The following SLC7A14 variants were observed in gnomAD, a reference collection of about 807,000 sequenced individuals.
SLC7A14 encodes the protein gamma-aminobutyric acid transporter SLC7A14.
Under a neutral mutation model 60.2 loss-of-function variants are expected in SLC7A14, and 37 were observed. The observed-to-expected ratio is 0.61, with a 90% CI of 0.47 to 0.81. The LOEUF (loss-of-function observed/expected upper bound fraction) is 0.81, where lower values mean the gene tolerates loss of function less well. Among genes scored for constraint, SLC7A14 ranks in the 30% least tolerant of loss-of-function variants. The probability of loss-of-function intolerance (pLI) is 0.00; values close to 1 mark genes in which losing one functional copy is unlikely to be tolerated. For missense variants in SLC7A14, 886 were observed against 982.7 expected (o/e 0.90, Z 1.32); for synonymous variants, 399 against 395.8 (o/e 1.01, Z -0.10).
At chr3:170,538,474 A>T (rs1252289874) in intron 1 of SLC7A14, among the ~76,000 whole-genome samples, 1 of 152,204 alleles carries the variant, frequency 6.6e-6, no homozygotes, top group African/African-American at 2.4e-5. Context: ...AAATGTCAGG[A>T]ACTGCCATTT....
rs774317721 is a variant in SLC7A14 at position 170,486,207 on chromosome 3, G to A, written c.906+15C>T. On this transcript the variant is annotated intron_variant, in intron 5 of 7. Coordinates refer to ENST00000231706, the MANE Select transcript of SLC7A14 (RefSeq NM_020949.3). ...CCACATCGTGAGGAGGGTCCCGCAA[G>A]CATCTGGTACTTACAGACACATATG... 2.5e-6 allele frequency: 4 copies of A among 1,613,736 alleles called. No homozygotes were observed. In the South Asian group the frequency reaches 4.4e-5, roughly 18 times the overall value.
rs1713512707 is a variant in SLC7A14 at position 170,526,641 on chromosome 3, A to G, written c.296T>C (p.Ile99Thr). Residue 99 changes from isoleucine (I) to threonine (T), a missense_variant, in exon 2 of 8, where the codon ATA becomes ACA. By Grantham distance (89) the Ile-to-Thr change is moderately conservative (BLOSUM62 -1). Transcript: ENST00000231706. Reference protein sequence around the residue: ...VSFIIAAVASILSGVCYAEFG... With the variant: ...VSFIIAAVASTLSGVCYAEFG... ...TGCATGGAGACACTTACCTGATAAT[A>G]TGGATGCGACGGCTGCAATGATGAA... The G allele has an allele frequency of 2.5e-6, 4 of 1,614,010 alleles. No homozygotes were observed. Among genetic ancestry groups the G allele is most frequent in the Non-Finnish European group, 3.4e-6 (4 of 1,179,984 alleles).
intron 1 of SLC7A14, among the ~76,000 whole-genome samples, chr3:170,566,102 A>G (rs935352035): frequency 6.6e-6 from 1 of 152,190 alleles, no homozygotes; most frequent in African/African-American, 2.4e-5. Context: ...CCAGAGAAGC[A>G]AAGGGACCTG....
intron 2 of SLC7A14, among the ~76,000 whole-genome samples, chr3:170,508,090 T>C (rs1712842691): frequency 6.6e-6 from 1 of 152,226 alleles, no homozygotes; most frequent in African/African-American, 2.4e-5. Flanking sequence ...AATTCACTCA[T>C]TCATTTATCC....
intron 2 of SLC7A14, among the ~76,000 whole-genome samples, chr3:170,513,781 G>A (rs1469883225): frequency 6.6e-6 from 1 of 152,178 alleles, no homozygotes; most frequent in African/African-American, 2.4e-5. Context: ...CCATGCTAAT[G>A]CTTCCCTTTG....
chr3:170,495,803 C>A, intron 4 of SLC7A14: 4 of 1,125,990 alleles, frequency 3.6e-6, no homozygotes, highest in Non-Finnish European at 5.4e-6. Flanking sequence ...TGCTGGAGAC[C>A]AAGTGGAGCC....
At chr3:170,485,324 C>T (rs1357074294) in intron 5 of SLC7A14, among the ~76,000 whole-genome samples, 1 of 152,176 alleles carries the variant, frequency 6.6e-6, no homozygotes, top group Non-Finnish European at 1.5e-5. Flanking sequence ...GTCTGGCTTC[C>T]TTAGCTAGTT....
At chr3:170,530,303 G>A (rs961302790) in intron 1 of SLC7A14, among the ~76,000 whole-genome samples, 13 of 152,316 alleles carry the variant, frequency 8.5e-5, no homozygotes, top group African/African-American at 2.2e-4. Flanking sequence ...AGGATAGAGC[G>A]GGTGTTGCAT....
At chr3:170,584,258 G>A (rs1167436072) in intron 1 of SLC7A14, among the ~76,000 whole-genome samples, 1 of 152,162 alleles carries the variant, frequency 6.6e-6, no homozygotes, top group African/African-American at 2.4e-5. Flanking sequence ...TTTATCTAGA[G>A]CATGTAAATA....
chr3:170,519,794 CA>C (rs998320891), intron 2 of SLC7A14, among the ~76,000 whole-genome samples: 6 of 151,968 alleles, frequency 3.9e-5, no homozygotes, highest in African/African-American at 1.2e-4. Context: ...AACAAACAAA[CA>C]AAAAAAGAGG....
intron 2 of SLC7A14, among the ~76,000 whole-genome samples, chr3:170,516,061 A>G (rs1361327220): frequency 6.6e-6 from 1 of 152,162 alleles, no homozygotes; most frequent in East Asian, 1.9e-4. Context: ...AGAAGATGTA[A>G]AAGAAGCCCA....
intron 1 of SLC7A14, among the ~76,000 whole-genome samples, chr3:170,552,554 T>C (rs1386017499): frequency 1.3e-5 from 2 of 152,234 alleles, no homozygotes; most frequent in Non-Finnish European, 2.9e-5. Flanking sequence ...GAATTCTTCC[T>C]CATATGTGAC....
At chr3:170,484,822 C>T (rs760200288) in intron 5 of SLC7A14, among the ~76,000 whole-genome samples, 2 of 152,084 alleles carry the variant, frequency 1.3e-5, no homozygotes, top group Non-Finnish European at 2.9e-5. Context: ...TAACCACTTG[C>T]AATATTTCCT....
chr3:170,474,734 G>A (rs983392008), intron 7 of SLC7A14, among the ~76,000 whole-genome samples: 1 of 152,162 alleles, frequency 6.6e-6, no homozygotes, highest in Non-Finnish European at 1.5e-5. Flanking sequence ...AGACCATGAG[G>A]TGTGTCTTCT....
chr3:170,554,167 A>G (rs1241615891), intron 1 of SLC7A14, among the ~76,000 whole-genome samples: 1 of 152,196 alleles, frequency 6.6e-6, no homozygotes. Context: ...GAAAACAATA[A>G]ATGTTGAGAC....
At chr3:170,500,211 G>C (rs1163569507) in intron 3 of SLC7A14, among the ~76,000 whole-genome samples, 1 of 152,068 alleles carries the variant, frequency 6.6e-6, no homozygotes, top group Non-Finnish European at 1.5e-5. Flanking sequence ...GGGAGGCCAA[G>C]GTGGGTGGAT....
At chr3:170,572,635 G>T (rs1714987683) in intron 1 of SLC7A14, among the ~76,000 whole-genome samples, 1 of 152,192 alleles carries the variant, frequency 6.6e-6, no homozygotes, top group Admixed American at 6.5e-5. Flanking sequence ...CTTGGGGGCA[G>T]AAAGGAAGAA....
chr3:170,516,567 AAT>A (rs1553870081), intron 2 of SLC7A14, among the ~76,000 whole-genome samples: 4 of 144,590 alleles, frequency 2.8e-5, no homozygotes, highest in Non-Finnish European at 3.1e-5. Context: ...ACAAAAAAAA[AAT>A]AATAATAACA....
intron 1 of SLC7A14, among the ~76,000 whole-genome samples, chr3:170,555,026 G>A (rs1032551697): frequency 6.6e-6 from 1 of 151,876 alleles, no homozygotes; most frequent in Non-Finnish European, 1.5e-5. Context: ...AAATTAGCCG[G>A]GCATGGTGGT....
Sources: gnomAD v4.1 joint callset for allele counts (sites outside exome capture counted in the v4.1 genomes callset) on GRCh38, gnomAD v4.1.1 for gene constraint, MANE v1.5 for transcripts, NCBI Gene and HGNC (gene_info 2026-07-23, HGNC 2026-07-21) for gene names.